USH2A: variants seen among roughly 807,000 people sequenced by gnomAD.
The protein encoded by USH2A is usherin, also known as Usher syndrome 2A (autosomal recessive, mild).
In USH2A, 443 loss-of-function variants were observed where a neutral mutation model predicts 538.9. The observed-to-expected ratio is 0.82, with a 90% confidence interval of 0.76 to 0.89. The LOEUF is 0.89. Ranked by LOEUF, USH2A falls within the 40% of genes least tolerant of loss-of-function variation. USH2A has a pLI of 0.00. For missense variants in USH2A, 6,633 were observed against 6,324.8 expected (o/e 1.05, Z -1.65); for synonymous variants, 2,413 against 2,273.5 (o/e 1.06, Z -1.75).
At chr1:216,057,289 A>G (rs2031009455) in intron 30 of USH2A, among the ~76,000 whole-genome samples, 1 of 152,160 alleles carries the variant, frequency 6.6e-6, no homozygotes, top group Non-Finnish European at 1.5e-5. Context: ...CAGGAACATT[A>G]CATCATTTCT....
intron 60 of USH2A, among the ~76,000 whole-genome samples, chr1:215,738,784 T>G (rs896557572): frequency 6.6e-6 from 1 of 152,148 alleles, no homozygotes; most frequent in African/African-American, 2.4e-5. Context: ...CTAAATGTAC[T>G]TCCTTTGGTG....
chr1:216,327,550 T>C (rs1301640177), intron 5 of USH2A, 41 bp downstream of exon 5: 3 of 1,604,164 alleles, frequency 1.9e-6, no homozygotes, highest in Non-Finnish European at 2.6e-6. Context: ...TCAGCATTTA[T>C]CCTTTCGGTT....
chr1:215,873,844 A>G (rs1664685065), intron 43 of USH2A, among the ~76,000 whole-genome samples: 2 of 152,102 alleles, frequency 1.3e-5, no homozygotes, highest in South Asian at 4.1e-4. Flanking sequence ...AAATAATTAA[A>G]AGGAATAGCA....
chr1:216,321,991 A>G lies in USH2A; in HGVS notation c.1551-15T>C. On this transcript the variant is annotated splice_polypyrimidine_tract_variant and intron_variant, in intron 8 of 71. Coordinates refer to ENST00000307340, the MANE Select transcript of USH2A (RefSeq NM_206933.4). Reference sequence around the variant, plus strand: ...GGCACTGACATCTGCAAACATGAGCATCACACACTCCTAAGGAACACCAAC... The same window carrying G: ...GGCACTGACATCTGCAAACATGAGCGTCACACACTCCTAAGGAACACCAAC... 6.2e-7 allele frequency: 1 copy of G among 1,613,290 alleles called. No individual in the cohort carries two copies. Among genetic ancestry groups the G allele is most frequent in the Non-Finnish European group, 8.5e-7 (1 of 1,179,308 alleles).
intron 50 of USH2A, among the ~76,000 whole-genome samples, chr1:215,795,651 T>G (rs1324401692): frequency 6.6e-6 from 1 of 152,204 alleles, no homozygotes; most frequent in Non-Finnish European, 1.5e-5. Context: ...AGGTAACACT[T>G]TTGCACCCTC....
At chr1:216,145,142 T>C (rs1490845454) in intron 21 of USH2A, among the ~76,000 whole-genome samples, 2 of 152,150 alleles carry the variant, frequency 1.3e-5, no homozygotes, top group Non-Finnish European at 2.9e-5. Context: ...AATACACCTC[T>C]CTCTGTCTCT....
intron 44 of USH2A, among the ~76,000 whole-genome samples, chr1:215,854,225 C>T (rs1051263100): frequency 2.0e-5 from 3 of 152,128 alleles, no homozygotes; most frequent in Admixed American, 6.5e-5. Flanking sequence ...CAGGGAAACT[C>T]CCCTTTATAA....
intron 4 of USH2A, among the ~76,000 whole-genome samples, chr1:216,344,428 C>A (rs561013683): frequency 6.6e-6 from 1 of 152,176 alleles, no homozygotes; most frequent in Admixed American, 6.5e-5. Flanking sequence ...CTAATTTGCT[C>A]AAGGTTCAGC....
chr1:215,878,905 C>A lies in USH2A; in HGVS notation c.8417G>T (p.Cys2806Phe), dbSNP rs772875283. 1.2e-6 allele frequency: 2 copies of A among 1,614,006 alleles called. No homozygotes were observed. Among genetic ancestry groups the A allele is most frequent in the East Asian group, 2.2e-5 (1 of 44,856 alleles). ...AACATAGGTAGGTAAACTCTCTGTG[C>A]ACCCTCCAAGGTACCCATTACCCCC... is the stretch of plus-strand genomic sequence containing the variant. Reference protein sequence around the residue: ...CSGGNGYLGGCTESLPTYVTT... With the variant: ...CSGGNGYLGGFTESLPTYVTT... Residue 2806 changes from cysteine to phenylalanine, a missense_variant, in exon 42 of 72, where the codon TGC becomes TTC. By Grantham distance (205) the Cys-to-Phe change is radical. Transcript: ENST00000307340.
chr1:216,016,052 A>G (rs1668702887), intron 32 of USH2A, among the ~76,000 whole-genome samples: 2 of 152,138 alleles, frequency 1.3e-5, no homozygotes, highest in South Asian at 4.1e-4. Context: ...AGGGACATGG[A>G]TGAAGCTGGA....
rs144963365 is a variant in USH2A, at chr1:215,724,739, TCA to T, written c.12066+3289_12066+3290del. ...CTCAGAACGAATCACTCATTCTTCCTCACAGTCTCTGCTCTGCTCAAGGGCCA... is the reference window on the plus strand; with the variant it reads ...CTCAGAACGAATCACTCATTCTTCCTCAGTCTCTGCTCTGCTCAAGGGCCA... On this transcript the variant is annotated intron_variant, in intron 61 of 71. Transcript: ENST00000307340. Among the ~76,000 whole-genome samples the T allele has an allele frequency of 5.6e-3, 853 of 152,010 alleles. 21 individuals are homozygous for T. The highest frequency in any genetic ancestry group is 0.053 in the East Asian group (275 of 5,178).
chr1:216,219,115 G>A (rs983754759), intron 14 of USH2A, among the ~76,000 whole-genome samples: 2 of 151,978 alleles, frequency 1.3e-5, no homozygotes, highest in African/African-American at 2.4e-5. Context: ...TTTACATACA[G>A]TACATTTAGA....
chr1:216,163,918 C>A (rs575851546), intron 21 of USH2A, among the ~76,000 whole-genome samples: 49 of 152,108 alleles, frequency 3.2e-4, no homozygotes, highest in African/African-American at 1.0e-3. Context: ...TCCTAGAAGC[C>A]TTTGTTACTC....
At chr1:216,083,953 T>C (rs2032032707) in intron 25 of USH2A, among the ~76,000 whole-genome samples, 1 of 151,936 alleles carries the variant, frequency 6.6e-6, no homozygotes, top group Non-Finnish European at 1.5e-5. Flanking sequence ...GTGTAGATTA[T>C]ATTATTAATA....
At chr1:215,780,377 A>G (rs1661597314) in intron 54 of USH2A, among the ~76,000 whole-genome samples, 1 of 152,144 alleles carries the variant, frequency 6.6e-6, no homozygotes, top group East Asian at 1.9e-4. Context: ...TCTCTTCCAT[A>G]TGGCCCATCA....
At chr1:215,971,581 C>A (rs1571857147) in intron 35 of USH2A, among the ~76,000 whole-genome samples, 1 of 152,170 alleles carries the variant, frequency 6.6e-6, no homozygotes, top group African/African-American at 2.4e-5. Context: ...CATAGAGAGA[C>A]CCTATCTCTA....
rs570643933 is a variant in USH2A, at chr1:215,640,620, C to G, written c.14906G>C (p.Gly4969Ala). 1 of 1,613,830 alleles carries G rather than the reference C, an allele frequency of 6.2e-7. No homozygotes were observed. The highest frequency in any genetic ancestry group is 1.1e-5 in the South Asian group (1 of 91,034). ...GQLKEYVLTD[G>A]GRRVYSGLDT... ...CAAGCCGCTGTACACGCGTCGCCCT[C>G]CGTCGGTTAACACGTACTCCTTCAG... Residue 4969 changes from glycine (G) to alanine (A), a missense_variant, in exon 68 of 72, where the codon GGA becomes GCA. By Grantham distance (60) the Gly-to-Ala change is moderately conservative (BLOSUM62 0). Transcript: ENST00000307340.
chr1:216,403,371 A>G (rs1386658378), intron 3 of USH2A, among the ~76,000 whole-genome samples: 1 of 152,168 alleles, frequency 6.6e-6, no homozygotes, highest in Non-Finnish European at 1.5e-5. Flanking sequence ...TAGGAACAAG[A>G]AGAGCAAGAA....
At chr1:215,630,780 G>A (rs1306738085) in intron 70 of USH2A, among the ~76,000 whole-genome samples, 1 of 151,332 alleles carries the variant, frequency 6.6e-6, no homozygotes, top group Non-Finnish European at 1.5e-5. Flanking sequence ...TTGAACCCAG[G>A]AGCTGGAGGT....
Sources: gnomAD v4.1 joint callset for allele counts (sites outside exome capture counted in the v4.1 genomes callset) on GRCh38, gnomAD v4.1.1 for gene constraint, MANE v1.5 for transcripts, NCBI Gene and HGNC (gene_info 2026-07-23, HGNC 2026-07-21) for gene names.